Variants in KCNB2 observed in about 807,000 individuals in gnomAD.
KCNB2 encodes delayed rectifier potassium channel protein.
A neutral mutation model predicts 61.5 loss-of-function variants in KCNB2; 15 were observed. The ratio of observed to expected loss-of-function variants is 0.24; its 90% confidence interval spans 0.16 to 0.38. The LOEUF is 0.38. Among genes scored for constraint, KCNB2 ranks in the 10% least tolerant of loss-of-function variants. The pLI is 1.00. For synonymous variants in KCNB2, 457 were observed against 446.0 expected (o/e 1.02, Z -0.31); for missense variants, 828 against 1,125.2 (o/e 0.74, Z 3.78).
intron 2 of KCNB2, among the ~76,000 whole-genome samples, chr8:72,817,886 AC>A (rs1487118621): frequency 6.6e-6 from 1 of 152,178 alleles, no homozygotes; most frequent in Admixed American, 6.5e-5. Flanking sequence ...TAAACTAATA[AC>A]ATTAAATAAA....
chr8:72,709,671 G>A (rs1807293077), intron 2 of KCNB2, among the ~76,000 whole-genome samples: 1 of 152,000 alleles, frequency 6.6e-6, no homozygotes, highest in African/African-American at 2.4e-5. Context: ...AGCCATTCAT[G>A]AGGGATCCAC....
chr8:72,821,659 A>AAC (rs1554535734), intron 2 of KCNB2, among the ~76,000 whole-genome samples: 6,235 of 115,496 alleles, frequency 0.054, 610 homozygotes, highest in East Asian at 0.12. Context: ...AAAAAAAAAA[A>AAC]ACACACACAC....
chr8:72,806,614 CAA>C (rs981542475), intron 2 of KCNB2, among the ~76,000 whole-genome samples: 1 of 129,700 alleles, frequency 7.7e-6, no homozygotes. Flanking sequence ...GAATCAGTCT[CAA>C]AAAAAAAAAA....
chr8:72,599,817 A>G (rs1419351642), intron 2 of KCNB2, among the ~76,000 whole-genome samples: 1 of 152,234 alleles, frequency 6.6e-6, no homozygotes, highest in Non-Finnish European at 1.5e-5. Context: ...AAAAGAAGAC[A>G]TTTATGTAGC....
At chr8:72,695,248 T>C (rs1211805468) in intron 2 of KCNB2, among the ~76,000 whole-genome samples, 1 of 152,126 alleles carries the variant, frequency 6.6e-6, no homozygotes, top group African/African-American at 2.4e-5. Flanking sequence ...TTCCTCCAGT[T>C]TGGGAAGGAA....
intron 2 of KCNB2, among the ~76,000 whole-genome samples, chr8:72,590,877 AAC>A (rs1279973647): frequency 1.3e-5 from 2 of 152,124 alleles, no homozygotes; most frequent in African/African-American, 4.8e-5. Flanking sequence ...AAAAGTTAAA[AAC>A]ACAGCTAAGC....
In KCNB2 at chr8:72,664,128, G is replaced by A. The variant is rs191739409; in HGVS notation, c.579+95815G>A. 8.5e-5 allele frequency among the ~76,000 whole-genome samples: 13 copies of A among 152,300 alleles called. No homozygotes were observed. The East Asian group carries it at 2.5e-3, about 29-fold the overall frequency. On this transcript the variant is annotated intron_variant, in intron 2 of 2. Coordinates refer to ENST00000523207, the MANE Select transcript of KCNB2 (RefSeq NM_004770.3). ...GTGATTCACCTGGGCTTTCAAAGCT[G>A]TAAGATCCCAGGAGATCAGAATGAG...
chr8:72,858,358 T>A (rs1810239671), intron 2 of KCNB2, among the ~76,000 whole-genome samples: 1 of 152,158 alleles, frequency 6.6e-6, no homozygotes, highest in Non-Finnish European at 1.5e-5. Flanking sequence ...GAGGAAACCA[T>A]AATCAAGTCC....
intron 2 of KCNB2, among the ~76,000 whole-genome samples, chr8:72,581,075 G>A (rs1475189379): frequency 1.3e-5 from 2 of 152,058 alleles, no homozygotes; most frequent in Non-Finnish European, 2.9e-5. Context: ...CTGAAGACAG[G>A]GCTCTGGTCT....
chr8:72,718,633 G>C (rs1293965043), intron 2 of KCNB2, among the ~76,000 whole-genome samples: 8 of 141,060 alleles, frequency 5.7e-5, no homozygotes, highest in Non-Finnish European at 1.1e-4. Flanking sequence ...ATGGACACAG[G>C]AAGGGGAACA....
intron 1 of KCNB2, among the ~76,000 whole-genome samples, chr8:72,549,344 A>G (rs961744039): frequency 2.0e-5 from 3 of 152,250 alleles, no homozygotes; most frequent in Admixed American, 6.5e-5. Context: ...CCAGAATGTT[A>G]GCGATTTGGC....
At chr8:72,893,776 T>C (rs762052160) in intron 2 of KCNB2, among the ~76,000 whole-genome samples, 4 of 152,200 alleles carry the variant, frequency 2.6e-5, no homozygotes, top group Non-Finnish European at 5.9e-5. Flanking sequence ...AATGTTTTGA[T>C]TGAATTGATT....
intron 2 of KCNB2, among the ~76,000 whole-genome samples, chr8:72,831,431 A>G (rs1263629661): frequency 6.6e-6 from 1 of 152,228 alleles, no homozygotes; most frequent in Non-Finnish European, 1.5e-5. Flanking sequence ...TTAAGAAAAG[A>G]GAGTGTAAAA....
At position 72,597,001 on chromosome 8, in the gene KCNB2, C is replaced by CTTTTTTTTTTTTTTTTTTTTTTT. The variant is rs869160203; in HGVS notation, c.579+28707_579+28729dup. ...GCATGCTTGCTTGCTTGCTTGCTTG[C>CTTTTTTTTTTTTTTTTTTTTTTT]TTTTTTTTTTTTTTTTTTTTTTTTT... is the stretch of plus-strand genomic sequence containing the variant. On this transcript the variant is annotated intron_variant, in intron 2 of 2. Transcript: ENST00000523207. Among the ~76,000 whole-genome samples, 4 of 64,658 alleles carry CTTTTTTTTTTTTTTTTTTTTTTT rather than the reference C, an allele frequency of 6.2e-5. 1 individual carries two copies. Among genetic ancestry groups the CTTTTTTTTTTTTTTTTTTTTTTT allele is most frequent in the Non-Finnish European group, 7.8e-5 (3 of 38,532 alleles). 42.4% of individuals were successfully genotyped at this position (64,658 alleles called of 152,430 possible).
intron 2 of KCNB2, among the ~76,000 whole-genome samples, chr8:72,786,359 C>G (rs577156800): frequency 6.6e-6 from 1 of 152,068 alleles, no homozygotes; most frequent in Admixed American, 6.6e-5. Context: ...AAAGGTTGTT[C>G]GGTGAATTTG....
chr8:72,753,421 G>A (rs115210368), intron 2 of KCNB2, among the ~76,000 whole-genome samples: 3,426 of 152,204 alleles, frequency 0.023, 113 homozygotes, highest in African/African-American at 0.078. Context: ...TCAGGCAAGC[G>A]CAGTGTCTGC....
intron 2 of KCNB2, among the ~76,000 whole-genome samples, chr8:72,725,591 G>GTA (rs60157669): frequency 0.057 from 2,954 of 51,548 alleles, 53 homozygotes; most frequent in Middle Eastern, 0.12. Context: ...ATATATGTAT[G>GTA]TATATATATA....
At chr8:72,712,773 G>A (rs1490255188) in intron 2 of KCNB2, among the ~76,000 whole-genome samples, 3 of 152,182 alleles carry the variant, frequency 2.0e-5, no homozygotes, top group Non-Finnish European at 4.4e-5. Context: ...TTCCAACTGA[G>A]GTACTGGGTT....
chr8:72,562,281 C>T (rs1806549273), intron 1 of KCNB2, among the ~76,000 whole-genome samples: 1 of 152,150 alleles, frequency 6.6e-6, no homozygotes, highest in African/African-American at 2.4e-5. Flanking sequence ...GTAAACCCCA[C>T]TCCCCCTCCA....
Sources: allele counts gnomAD v4.1 joint callset (sites outside exome capture counted in the v4.1 genomes callset), GRCh38; gene constraint gnomAD v4.1.1; transcripts MANE v1.5; gene names NCBI Gene and HGNC (gene_info 2026-07-23, HGNC 2026-07-21).